Variants in SDCCAG8 observed in about 807,000 individuals in gnomAD.
SDCCAG8 encodes the protein serologically defined colon cancer antigen 8.
Under a neutral mutation model 101.8 loss-of-function variants are expected in SDCCAG8, and 74 were observed. The observed-to-expected ratio is 0.73, with a 90% CI of 0.60 to 0.88. SDCCAG8 has a LOEUF of 0.88. SDCCAG8 is among the 40% of genes least tolerant of loss of function. The pLI, the probability that SDCCAG8 is intolerant of heterozygous loss-of-function variation, is 0.00. For missense variants in SDCCAG8, 787 were observed against 822.6 expected, an observed-to-expected ratio of 0.96 and a Z score of 0.53; for synonymous variants, 281 against 292.9, an observed-to-expected ratio of 0.96 and a Z score of 0.41.
At chr1:243,320,943 T>C (rs974070683) in intron 9 of SDCCAG8, among the ~76,000 whole-genome samples, 1 of 152,198 alleles carries the variant, frequency 6.6e-6, no homozygotes, top group Non-Finnish European at 1.5e-5. Flanking sequence ...AAACCTCTTA[T>C]CTCTTCTGTC....
At chr1:243,338,357 G>A (rs1221316506) in intron 10 of SDCCAG8, among the ~76,000 whole-genome samples, 1 of 152,002 alleles carries the variant, frequency 6.6e-6, no homozygotes, top group Non-Finnish European at 1.5e-5. Context: ...CTAACTGTAG[G>A]AATACTTGTG....
chr1:243,418,984 A>G (rs1466245885), intron 15 of SDCCAG8, among the ~76,000 whole-genome samples: 1 of 152,188 alleles, frequency 6.6e-6, no homozygotes, highest in Non-Finnish European at 1.5e-5. Context: ...CTCAGCAAAC[A>G]AACTACTGAC....
intron 16 of SDCCAG8, among the ~76,000 whole-genome samples, chr1:243,484,181 G>C (rs1288581483): frequency 6.6e-6 from 1 of 152,246 alleles, no homozygotes; most frequent in Non-Finnish European, 1.5e-5. Flanking sequence ...GCCATTGCCT[G>C]CAGGACGAAG....
intron 12 of SDCCAG8, among the ~76,000 whole-genome samples, chr1:243,355,338 CTCTCTG>C (rs2147831321): frequency 6.6e-6 from 1 of 151,710 alleles, no homozygotes; most frequent in African/African-American, 2.4e-5. Flanking sequence ...CTCTCTCTCT[CTCTCTG>C]TCCCCTACCC....
chr1:243,439,863 A>G (rs2082412373), intron 16 of SDCCAG8, among the ~76,000 whole-genome samples: 1 of 152,228 alleles, frequency 6.6e-6, no homozygotes. Flanking sequence ...CCAGCCTCTC[A>G]GCGGGGCTTG....
chr1:243,310,038 A>G (rs995768497), intron 8 of SDCCAG8, among the ~76,000 whole-genome samples: 4 of 151,678 alleles, frequency 2.6e-5, no homozygotes, highest in Non-Finnish European at 5.9e-5. Flanking sequence ...TAATTTTTGT[A>G]TTTTTAGTAA....
intron 16 of SDCCAG8, among the ~76,000 whole-genome samples, chr1:243,475,320 C>T (rs991554264): frequency 3.3e-5 from 5 of 152,142 alleles, no homozygotes; most frequent in Non-Finnish European, 5.9e-5. Context: ...GCAGGGGTTT[C>T]CGAGTCTACC....
At chr1:243,304,821 G>T in intron 7 of SDCCAG8, 44 bp downstream of exon 7, 1 of 1,108,610 alleles carries the variant, frequency 9.0e-7, no homozygotes, top group Non-Finnish European at 1.4e-6. Context: ...AAAGCATAAT[G>T]ATCTTAAAAT....
At chr1:243,337,890 G>GA (rs149750102) in intron 10 of SDCCAG8, among the ~76,000 whole-genome samples, 71,342 of 151,836 alleles carry the variant, frequency 0.47, 18,613 homozygotes, top group East Asian at 0.74. Flanking sequence ...TTTTTCAAAT[G>GA]AAAATTAATT....
At chr1:243,477,033 C>CACACACACACACAGAGAG (rs942231630) in intron 16 of SDCCAG8, among the ~76,000 whole-genome samples, 1 of 150,320 alleles carries the variant, frequency 6.7e-6, no homozygotes, top group South Asian at 2.1e-4. Context: ...CACACACACA[C>CACACACACACACAGAGAG]AGAGAGAAAG....
chr1:243,344,216 T>C lies in SDCCAG8; in HGVS notation c.1358T>C (p.Val453Ala), dbSNP rs777367811. Residue 453 changes from valine (V) to alanine (A), a missense_variant and splice_region_variant, in exon 12 of 18, where the codon GTG (valine) becomes GCG (alanine). By Grantham distance (64) the Val-to-Ala change is moderately conservative (BLOSUM62 0). Transcript: ENST00000366541. ...LASREMDVTK[V>A]CGEMRYQLNK... is the part of the protein sequence containing the mutation. ...ATCCAGTTTTTTACAATCTAACAGG[T>C]GTGTGGAGAAATGCGCTATCAGCTG... The C allele has an allele frequency of 5.6e-6, 9 of 1,612,446 alleles. No homozygotes were observed. The Admixed American group carries it at 1.2e-4, about 21-fold the overall frequency.
chr1:243,475,827 G>C (rs1397908968), intron 16 of SDCCAG8: 5 of 368,196 alleles, frequency 1.4e-5, no homozygotes, highest in African/African-American at 2.2e-5. Flanking sequence ...AATAGAGGAA[G>C]GGGTGTTGGA....
chr1:243,389,457 A>G (rs1220285872), intron 13 of SDCCAG8, among the ~76,000 whole-genome samples: 2 of 152,204 alleles, frequency 1.3e-5, no homozygotes, highest in Non-Finnish European at 2.9e-5. Context: ...GCTGTGGCCC[A>G]TGATGGCTGC....
intron 13 of SDCCAG8, among the ~76,000 whole-genome samples, chr1:243,397,794 C>T (rs961154637): frequency 6.6e-6 from 1 of 152,186 alleles, no homozygotes; most frequent in Non-Finnish European, 1.5e-5. Context: ...CACCTGCAAA[C>T]CCAAGTACAA....
intron 2 of SDCCAG8, 39 bp from the exon 3 acceptor site, chr1:243,270,939 T>C (rs200309063): frequency 4.9e-5 from 72 of 1,457,520 alleles, no homozygotes; most frequent in Non-Finnish European, 6.8e-5. Flanking sequence ...ACCATGGATC[T>C]CAAATAAGGT....
chr1:243,426,400 C>G (rs1177546683), intron 15 of SDCCAG8, 27 bp from the exon 16 acceptor site: 12 of 1,598,320 alleles, frequency 7.5e-6, no homozygotes, highest in African/African-American at 1.3e-5. Context: ...CTTCTAACAT[C>G]TATTATTTTT....
intron 17 of SDCCAG8, among the ~76,000 whole-genome samples, chr1:243,493,594 T>C (rs1391495840): frequency 1.3e-5 from 2 of 152,000 alleles, no homozygotes; most frequent in Non-Finnish European, 2.9e-5. Context: ...GTGATTCCCT[T>C]TTAGTCCCCT....
chr1:243,354,281 G>A (rs1285577834), intron 12 of SDCCAG8, among the ~76,000 whole-genome samples: 1 of 152,186 alleles, frequency 6.6e-6, no homozygotes, highest in African/African-American at 2.4e-5. Flanking sequence ...AACAGAAATT[G>A]CATGGAGCCT....
intron 16 of SDCCAG8, among the ~76,000 whole-genome samples, chr1:243,427,967 A>G (rs2081454245): frequency 1.3e-5 from 2 of 152,206 alleles, no homozygotes; most frequent in Admixed American, 6.5e-5. Flanking sequence ...TGTTTTTTAC[A>G]ACCCTTGGAA....
Sources: gnomAD v4.1 joint callset for allele counts (sites outside exome capture counted in the v4.1 genomes callset) on GRCh38, gnomAD v4.1.1 for gene constraint, MANE v1.5 for transcripts, NCBI Gene and HGNC (gene_info 2026-07-23, HGNC 2026-07-21) for gene names.